The following GABRA2 variants were observed in gnomAD, a reference collection of about 807,000 sequenced individuals.
The protein encoded by GABRA2 is gamma-aminobutyric acid receptor subunit alpha-2.
In GABRA2, 16 loss-of-function variants were observed where a neutral mutation model predicts 48.7. That is an observed-to-expected ratio of 0.33 (90% CI 0.22 to 0.50). The LOEUF (loss-of-function observed/expected upper bound fraction) is 0.50, where lower values mean the gene tolerates loss of function less well. GABRA2 is among the 20% of genes least tolerant of loss of function. The pLI, the probability that GABRA2 is intolerant of heterozygous loss-of-function variation, is 0.98. For missense variants in GABRA2, 275 were observed against 535.6 expected (o/e 0.51, Z 4.80); for synonymous variants, 185 against 184.5 (o/e 1.00, Z -0.02).
At chr4:46,384,764 A>C (rs912096075) in intron 3 of GABRA2, among the ~76,000 whole-genome samples, 1 of 152,162 alleles carries the variant, frequency 6.6e-6, no homozygotes, top group African/African-American at 2.4e-5. Context: ...ATTGCCACAT[A>C]TGTTAACCTG....
intron 5 of GABRA2, among the ~76,000 whole-genome samples, chr4:46,311,292 T>G (rs279862): frequency 0.38 from 57,510 of 152,004 alleles, 11,572 homozygotes; most frequent in East Asian, 0.52. Context: ...AATTTTTTCT[T>G]TAAAGATCAG....
intron 3 of GABRA2, among the ~76,000 whole-genome samples, chr4:46,372,906 C>CA (rs1317599352): frequency 4.6e-5 from 7 of 152,210 alleles, no homozygotes; most frequent in Non-Finnish European, 1.0e-4. Flanking sequence ...GATGAAGAGA[C>CA]ATCTGCTTTC....
At chr4:46,347,675 G>T (rs1486735832) in intron 3 of GABRA2, among the ~76,000 whole-genome samples, 1 of 151,776 alleles carries the variant, frequency 6.6e-6, no homozygotes, top group African/African-American at 2.4e-5. Flanking sequence ...ATACAGTATT[G>T]GTCTGGGCTA....
At chr4:46,252,127 G>A (rs1714891315) in intron 9 of GABRA2, among the ~76,000 whole-genome samples, 1 of 151,288 alleles carries the variant, frequency 6.6e-6, no homozygotes, top group African/African-American at 2.4e-5. Flanking sequence ...AGCTCTGAAA[G>A]CCCAGGAGAT....
chr4:46,377,523 G>A (rs1276094743), intron 3 of GABRA2, among the ~76,000 whole-genome samples: 1 of 149,644 alleles, frequency 6.7e-6, no homozygotes, highest in Non-Finnish European at 1.5e-5. Flanking sequence ...GAGAAGTGAG[G>A]AGCCCCTCCG....
At chr4:46,317,731 G>A (rs73131398) in intron 4 of GABRA2, among the ~76,000 whole-genome samples, 3,001 of 151,264 alleles carry the variant, frequency 0.02, 111 homozygotes, top group African/African-American at 0.069. Context: ...TGCCTAATAT[G>A]AGCCCTACAT....
Position 46,247,764 on chromosome 4 carries a change from C to G in GABRA2, c.*2544G>C, listed in dbSNP as rs149879126. On this transcript the variant is annotated 3_prime_UTR_variant, in exon 10 of 10. Coordinates refer to ENST00000381620, the MANE Select transcript of GABRA2 (RefSeq NM_000807.4). The stretch of plus-strand genomic sequence containing the variant: ...TTCATGGAAAGGATTATAATTGTTA[C>G]GAATCTTGTTCTATAATTTAAAAGC... 8.6e-5 allele frequency among the ~76,000 whole-genome samples: 13 copies of G among 151,280 alleles called. No individual in the cohort carries two copies. Among genetic ancestry groups the G allele is most frequent in the Admixed American group, 3.3e-4 (5 of 15,112 alleles).
intron 3 of GABRA2, among the ~76,000 whole-genome samples, chr4:46,385,385 C>A (rs1028603017): frequency 1.3e-5 from 2 of 151,476 alleles, no homozygotes; most frequent in Admixed American, 1.3e-4. Flanking sequence ...AATTTTCTTT[C>A]CCTTTTCGAA....
chr4:46,316,610 G>T (rs1428371283), intron 4 of GABRA2, among the ~76,000 whole-genome samples: 1 of 151,942 alleles, frequency 6.6e-6, no homozygotes, highest in African/African-American at 2.4e-5. Context: ...CACTAGAAGT[G>T]TATAAATGTT....
At chr4:46,358,092 C>A (rs1360379079) in intron 3 of GABRA2, among the ~76,000 whole-genome samples, 1 of 152,056 alleles carries the variant, frequency 6.6e-6, no homozygotes, top group Admixed American at 6.5e-5. Flanking sequence ...ACATAGTAAG[C>A]ACTCAACAGG....
chr4:46,374,081 A>C (rs1238603100), intron 3 of GABRA2, among the ~76,000 whole-genome samples: 1 of 152,132 alleles, frequency 6.6e-6, no homozygotes, highest in Non-Finnish European at 1.5e-5. Context: ...CAGTAACAAC[A>C]GTGAATTTGT....
chr4:46,361,327 C>T (rs1713151378), intron 3 of GABRA2, among the ~76,000 whole-genome samples: 2 of 152,098 alleles, frequency 1.3e-5, no homozygotes, highest in African/African-American at 4.8e-5. Context: ...CCCAGTTGAT[C>T]CAGCTGTGAC....
At chr4:46,314,777 T>G (rs1293982927) in intron 4 of GABRA2, among the ~76,000 whole-genome samples, 1 of 152,114 alleles carries the variant, frequency 6.6e-6, no homozygotes, top group Non-Finnish European at 1.5e-5. Flanking sequence ...CTTAGGATAA[T>G]GGCTTCCAGC....
At chr4:46,258,698 G>GA (rs1355552011) in intron 9 of GABRA2, among the ~76,000 whole-genome samples, 1 of 151,792 alleles carries the variant, frequency 6.6e-6, no homozygotes, top group East Asian at 1.9e-4. Context: ...CAGATACTCT[G>GA]AAGTTTGATT....
intron 6 of GABRA2, among the ~76,000 whole-genome samples, chr4:46,309,459 G>A (rs1727263296): frequency 6.6e-6 from 1 of 151,978 alleles, no homozygotes; most frequent in Admixed American, 6.6e-5. Context: ...CACACAAGAG[G>A]GAGGCTGCTC....
intron 8 of GABRA2, among the ~76,000 whole-genome samples, chr4:46,281,031 T>C (rs1157294897): frequency 6.6e-6 from 1 of 152,198 alleles, no homozygotes; most frequent in Non-Finnish European, 1.5e-5. Context: ...TTCTGTTTTT[T>C]AAGCCACCTT....
chr4:46,299,251 A>C (rs1725297573), intron 8 of GABRA2, among the ~76,000 whole-genome samples: 1 of 151,846 alleles, frequency 6.6e-6, no homozygotes, highest in South Asian at 2.1e-4. Flanking sequence ...TTTATTCCTG[A>C]ATTTTAAAAA....
At chr4:46,307,536 CA>C (rs1392403823) in intron 6 of GABRA2, among the ~76,000 whole-genome samples, 2 of 151,202 alleles carry the variant, frequency 1.3e-5, no homozygotes, top group East Asian at 1.9e-4. Flanking sequence ...AAAGAGATGA[CA>C]TTTTTAAGGC....
chr4:46,357,516 A>C (rs907334629), intron 3 of GABRA2, among the ~76,000 whole-genome samples: 1 of 150,964 alleles, frequency 6.6e-6, no homozygotes, highest in African/African-American at 2.4e-5. Context: ...TTAACTTCTT[A>C]GTCCCTCAGT....
Sources: gnomAD v4.1 joint callset for allele counts (sites outside exome capture counted in the v4.1 genomes callset) on GRCh38, gnomAD v4.1.1 for gene constraint, MANE v1.5 for transcripts, NCBI Gene and HGNC (gene_info 2026-07-23, HGNC 2026-07-21) for gene names.